Variants in FAF2 observed in about 807,000 individuals in gnomAD.
FAF2 encodes FAS-associated factor 2.
In FAF2, 9 loss-of-function variants were observed where a neutral mutation model predicts 62.3. The observed-to-expected ratio is 0.14, with a 90% CI of 0.09 to 0.25. The LOEUF (loss-of-function observed/expected upper bound fraction) is 0.25, where lower values mean the gene tolerates loss of function less well. Ranked by LOEUF, FAF2 falls within the 10% of genes least tolerant of loss-of-function variation. FAF2 has a pLI of 1.00. For synonymous variants in FAF2, 202 were observed against 198.0 expected (o/e 1.02, Z -0.17); for missense variants, 368 against 556.2 (o/e 0.66, Z 3.40).
intron 10 of FAF2, among the ~76,000 whole-genome samples, chr5:176,504,573 G>A (rs1397508232): frequency 6.6e-6 from 1 of 151,722 alleles, no homozygotes; most frequent in African/African-American, 2.4e-5. Flanking sequence ...AACAGAGCAA[G>A]ACTCCATCTC....
chr5:176,493,975 T>C (rs1310518552), intron 5 of FAF2, 24 bp from the exon 6 acceptor site: 3 of 1,559,972 alleles, frequency 1.9e-6, no homozygotes, highest in Non-Finnish European at 2.6e-6. Context: ...TTCTTAATAG[T>C]GAGTGACCTT....
chr5:176,460,691 C>A (rs1399249494), intron 1 of FAF2, among the ~76,000 whole-genome samples: 1 of 151,986 alleles, frequency 6.6e-6, no homozygotes, highest in Non-Finnish European at 1.5e-5. Flanking sequence ...ATGGCTCACG[C>A]CTGTAATCCC....
chr5:176,493,072 A>T (rs560586793), intron 5 of FAF2, among the ~76,000 whole-genome samples: 1 of 152,214 alleles, frequency 6.6e-6, no homozygotes, highest in Non-Finnish European at 1.5e-5. Flanking sequence ...AGAGAAATAC[A>T]TAGAATTAAC....
intron 8 of FAF2, 139 bp downstream of exon 8, chr5:176,496,802 A>G: frequency 1.7e-6 from 1 of 572,810 alleles, no homozygotes; most frequent in Non-Finnish European, 2.8e-6. Context: ...TATTGTCAAA[A>G]TATTTACATA....
chr5:176,450,133 A>G (rs998629466), intron 1 of FAF2, among the ~76,000 whole-genome samples: 2 of 152,226 alleles, frequency 1.3e-5, no homozygotes, highest in Non-Finnish European at 2.9e-5. Flanking sequence ...ATTTCCTTGA[A>G]TAGACTTCAC....
intron 1 of FAF2, among the ~76,000 whole-genome samples, chr5:176,454,577 GAA>G (rs56324116): frequency 9.3e-4 from 89 of 95,236 alleles, no homozygotes; most frequent in African/African-American, 3.1e-3. Context: ...GATTCTGTCT[GAA>G]AAAAAAAAAA....
Position 176,494,498 on chromosome 5 carries a change from C to T in FAF2, c.661+223C>T, listed in dbSNP as rs113186753. Among the ~76,000 whole-genome samples, 2 of 152,076 alleles carry T rather than the reference C, an allele frequency of 1.3e-5. No homozygotes were observed. Among genetic ancestry groups the T allele is most frequent in the Admixed American group, 1.3e-4 (2 of 15,258 alleles). On this transcript the variant is annotated intron_variant, in intron 7 of 10. Transcript: ENST00000261942. The surrounding 1 kb of genome is among the most constrained non-coding windows in gnomAD (Gnocchi z 4.0). ...AGGAAATAGGCTCAGAGAGTTCAAG[C>T]CACTGGCTGAAGATCACACAATTAG...
intron 1 of FAF2, among the ~76,000 whole-genome samples, chr5:176,454,444 G>A (rs1262592757): frequency 6.6e-6 from 1 of 151,632 alleles, no homozygotes; most frequent in African/African-American, 2.4e-5. Context: ...CCAGTGTGGT[G>A]GCACAGGCCT....
At position 176,507,515 on chromosome 5, in the gene FAF2, T is replaced by A; in HGVS notation, c.*565T>A. On this transcript the variant is annotated 3_prime_UTR_variant, in exon 11 of 11. Transcript: ENST00000261942. ...ACCAAAGGAATGAGGCTGACATAGG[T>A]ATATATATATATTTTTTTCCTTTAT... is the stretch of plus-strand genomic sequence containing the variant. The A allele has an allele frequency of 5.7e-6, 1 of 174,528 alleles. No individual in the cohort carries two copies. The highest frequency in any genetic ancestry group is 1.1e-4 in the South Asian group (1 of 9,304). The allele number at this position is 174,528 out of a possible 1,614,324, so 10.8% of individuals were successfully genotyped here.
intron 8 of FAF2, chr5:176,496,989 A>C (rs1755505777): frequency 6.1e-6 from 1 of 162,798 alleles, no homozygotes; most frequent in South Asian, 1.9e-4. Context: ...ACAAAAAATA[A>C]GAAAAAATTA....
intron 2 of FAF2, among the ~76,000 whole-genome samples, chr5:176,484,067 C>T (rs958504116): frequency 4.0e-5 from 6 of 150,714 alleles, no homozygotes; most frequent in South Asian, 2.1e-4. Context: ...AGCTAGACTC[C>T]GTCTCAAAAA....
intron 2 of FAF2, among the ~76,000 whole-genome samples, chr5:176,480,623 A>T (rs965013716): frequency 2.6e-5 from 4 of 151,856 alleles, no homozygotes; most frequent in Non-Finnish European, 5.9e-5. Context: ...GTGTTGCCCA[A>T]GCTGGTCTTG....
At chr5:176,504,856 T>C (rs1581078386) in intron 10 of FAF2, among the ~76,000 whole-genome samples, 2 of 151,958 alleles carry the variant, frequency 1.3e-5, no homozygotes, top group Non-Finnish European at 1.5e-5. Flanking sequence ...GCTCTGTCTC[T>C]ACAAAAAATT....
rs760301855 is a variant in FAF2, at chr5:176,492,213, C to T, written c.364C>T (p.Arg122Trp). 31 of 1,613,958 alleles carry T rather than the reference C, an allele frequency of 1.9e-5. No individual in the cohort carries two copies. The highest frequency in any genetic ancestry group is 1.1e-4 in the East Asian group (5 of 44,892). ...DIFRFALRFI[R>W]PDPRSRVTDP... Reference sequence around the variant, plus strand: ...CCCCAGGTTTGCTCTTCGTTTTATACGGCCTGACCCTCGCAGCCGGGTCAC... The same window carrying T: ...CCCCAGGTTTGCTCTTCGTTTTATATGGCCTGACCCTCGCAGCCGGGTCAC... Residue 122 changes from arginine (R) to tryptophan (W), a missense_variant, in exon 5 of 11, where the codon CGG (arginine) becomes TGG (tryptophan). Transcript: ENST00000261942.
chr5:176,467,617 T>C (rs1758493660), intron 1 of FAF2, among the ~76,000 whole-genome samples: 1 of 152,210 alleles, frequency 6.6e-6, no homozygotes, highest in African/African-American at 2.4e-5. Flanking sequence ...CAGATGTCAG[T>C]AGATCTTAAT....
In FAF2 at chr5:176,509,012, A is replaced by ATGCCTCTCGCC. The variant is rs1280807820; in HGVS notation, c.*2064_*2074dup. ...CTTCTTATTCTACAGTGTGCACTTT[A>ATGCCTCTCGCC]TGCCTCTCGCCTTTTGATAATAGTT... On this transcript the variant is annotated 3_prime_UTR_variant, in exon 11 of 11. Coordinates refer to ENST00000261942, the MANE Select transcript of FAF2 (RefSeq NM_014613.3). 3 of 152,012 alleles carry ATGCCTCTCGCC rather than the reference A, an allele frequency of 2.0e-5. No homozygotes were observed. Among genetic ancestry groups the ATGCCTCTCGCC allele is most frequent in the African/African-American group, 7.3e-5 (3 of 41,362 alleles). 9.4% of individuals were successfully genotyped at this position (152,012 alleles called of 1,614,324 possible).
Position 176,508,170 on chromosome 5 carries a change from TTCTC to T in FAF2, c.*1224_*1227del, listed in dbSNP as rs953041846. The T allele has an allele frequency of 6.6e-6, 1 of 152,648 alleles. No homozygotes were observed. The highest frequency in any genetic ancestry group is 2.4e-5 in the African/African-American group (1 of 41,448). The allele number at this position is 152,648 out of a possible 1,614,324, so 9.5% of individuals were successfully genotyped here. A position where few individuals can be genotyped will look rare whatever the true frequency, so the allele number is the denominator to read the frequency against. ...ACCTTCTGGAGGCAGCTTTTATCCT[TTCTC>T]TCTATTGCTATGTTGAAGTAATAGG... On this transcript the variant is annotated 3_prime_UTR_variant, in exon 11 of 11. Coordinates refer to ENST00000261942, the MANE Select transcript of FAF2 (RefSeq NM_014613.3).
chr5:176,457,742 G>A (rs1200626142), intron 1 of FAF2, among the ~76,000 whole-genome samples: 1 of 151,900 alleles, frequency 6.6e-6, no homozygotes, highest in African/African-American at 2.4e-5. Context: ...ACACTTGGGG[G>A]GCCTGTGTGT....
chr5:176,486,080 C>CA (rs1177363971), intron 2 of FAF2, among the ~76,000 whole-genome samples: 4 of 152,214 alleles, frequency 2.6e-5, no homozygotes, highest in Non-Finnish European at 5.9e-5. Flanking sequence ...CTAAATAATA[C>CA]ATGCCATCTG....
Sources: gnomAD v4.1 joint callset for allele counts (sites outside exome capture counted in the v4.1 genomes callset) on GRCh38, gnomAD v4.1.1 for gene constraint, Gnocchi (gnomAD v3.1) non-coding constraint, MANE v1.5 for transcripts, NCBI Gene and HGNC (gene_info 2026-07-23, HGNC 2026-07-21) for gene names.